The following IRGM variants were observed in gnomAD, a reference collection of about 807,000 sequenced individuals.
The protein encoded by IRGM is immunity related GTPase M.
For synonymous variants in IRGM, 98 were observed against 80.6 expected (o/e 1.22, Z -1.16); for missense variants, 288 against 219.9 (o/e 1.31, Z -1.96).
At chr5:150,892,261 C>T (rs1754621805) in intron 3 of IRGM, among the ~76,000 whole-genome samples, 1 of 151,162 alleles carries the variant, frequency 6.6e-6, no homozygotes, top group Non-Finnish European at 1.5e-5. Flanking sequence ...CATCTGCATG[C>T]AAGCATCATG....
Position 150,895,582 on chromosome 5 carries a change from C to T in IRGM, c.*141-5007C>T, listed in dbSNP as rs942904034. 3 of 1,613,414 alleles carry T rather than the reference C, an allele frequency of 1.9e-6. No homozygotes were observed. The highest frequency in any genetic ancestry group is 3.3e-5 in the Admixed American group (2 of 59,814). ...TTCTGAGAAAAGGCCTTTCCACATT[C>T]AGCACATATGTAAGGTTTCTCTCCT... On this transcript the variant is annotated intron_variant and NMD_transcript_variant, in intron 3 of 3. Transcript: ENST00000520549.
intron 1 of IRGM, among the ~76,000 whole-genome samples, chr5:150,873,007 C>G (rs1166497700): frequency 6.6e-6 from 1 of 152,168 alleles, no homozygotes. Context: ...CGCAGTCACT[C>G]AACTACAAAA....
At chr5:150,858,532 A>T (rs1014142779) in intron 1 of IRGM, among the ~76,000 whole-genome samples, 51 of 152,180 alleles carry the variant, frequency 3.4e-4, no homozygotes, top group Non-Finnish European at 6.2e-4. Flanking sequence ...GGCCATTTTC[A>T]CGATATTGAT....
At chr5:150,870,020 A>G (rs28472881) in intron 1 of IRGM, among the ~76,000 whole-genome samples, 3,583 of 152,290 alleles carry the variant, frequency 0.024, 136 homozygotes, top group African/African-American at 0.082. Flanking sequence ...GCCTGTGGAC[A>G]TGGAGGATCC....
chr5:150,867,168 C>T (rs1199957241), intron 1 of IRGM, among the ~76,000 whole-genome samples: 1 of 152,156 alleles, frequency 6.6e-6, no homozygotes, highest in Non-Finnish European at 1.5e-5. Flanking sequence ...CCCTGAGTCA[C>T]CAAGTCCATT....
chr5:150,878,554 G>A (rs1028858162), intron 2 of IRGM, among the ~76,000 whole-genome samples: 6 of 151,466 alleles, frequency 4.0e-5, no homozygotes, highest in African/African-American at 1.5e-4. Context: ...CATAGAAAGG[G>A]TTTACTTTTT....
chr5:150,900,458 CCT>C, intron 3 of IRGM: 1 of 152,202 alleles, frequency 6.6e-6, no homozygotes, highest in Non-Finnish European at 1.5e-5. Flanking sequence ...GTTGTTCCCC[CCT>C]CTCTGCTATA....
downstream of IRGM, among the ~76,000 whole-genome samples, chr5:150,853,096 C>G (rs1461131967): frequency 2.0e-5 from 3 of 152,012 alleles, no homozygotes; most frequent in African/African-American, 7.2e-5. Context: ...CTATAATTTT[C>G]CCTCTTCATA....
chr5:150,856,879 ATAT>A (rs974792606), intron 1 of IRGM, among the ~76,000 whole-genome samples: 25 of 145,998 alleles, frequency 1.7e-4, no homozygotes, highest in East Asian at 7.8e-4. Flanking sequence ...TTATTAATTA[ATAT>A]TATTAATTAA....
At chr5:150,902,172 C>G (rs910126863), downstream of IRGM, among the ~76,000 whole-genome samples, 1 of 151,992 alleles carries the variant, frequency 6.6e-6, no homozygotes, top group African/African-American at 2.4e-5. Context: ...TATGCCAATG[C>G]TGGCAGAAAG....
chr5:150,879,613 G>A (rs1268005422), exon 3 of IRGM: 1 of 152,136 alleles, frequency 6.6e-6, no homozygotes, highest in East Asian at 1.9e-4. Flanking sequence ...TACCTCAAGA[G>A]TACTCCAGAG....
chr5:150,892,088 T>C (rs767640730), intron 3 of IRGM, among the ~76,000 whole-genome samples: 4 of 152,126 alleles, frequency 2.6e-5, no homozygotes. Flanking sequence ...ATGATTATCA[T>C]AGGTCTGTAT....
intron 3 of IRGM, among the ~76,000 whole-genome samples, chr5:150,894,030 C>T (rs533431608): frequency 9.2e-5 from 14 of 152,140 alleles, no homozygotes; most frequent in African/African-American, 3.4e-4. Flanking sequence ...CTCTACTCTA[C>T]AGTTGTTCTC....
downstream of IRGM, among the ~76,000 whole-genome samples, chr5:150,852,553 T>G (rs2113253183): frequency 6.6e-6 from 1 of 152,216 alleles, no homozygotes; most frequent in Admixed American, 6.5e-5. Context: ...ATTAGGAAAT[T>G]GTTCACACAT....
intron 3 of IRGM, among the ~76,000 whole-genome samples, chr5:150,885,340 G>A (rs529603591): frequency 1.4e-3 from 177 of 123,590 alleles, no homozygotes; most frequent in African/African-American, 4.9e-3. Flanking sequence ...GTTTGAAGTT[G>A]GGTAACATAA....
At chr5:150,865,049 G>A (rs557994688) in intron 1 of IRGM, among the ~76,000 whole-genome samples, 200 of 152,276 alleles carry the variant, frequency 1.3e-3, no homozygotes, top group Admixed American at 3.2e-3. Context: ...GAGAGGATGT[G>A]TGATGCATAC....
At position 150,848,050 on chromosome 5, in the gene IRGM, C is replaced by G; in HGVS notation, c.-74C>G. The G allele has an allele frequency of 1.7e-6, 2 of 1,206,834 alleles. No individual in the cohort carries two copies. The highest frequency in any genetic ancestry group is 2.3e-6 in the Non-Finnish European group (2 of 869,706). 74.8% of individuals were successfully genotyped at this position (1,206,834 alleles called of 1,614,324 possible). On this transcript the variant is annotated 5_prime_UTR_variant, in exon 2 of 2. Transcript: ENST00000522154. Reference sequence around the variant, plus strand: ...TCTCCTGACCTCGTGATCTGCTCGCCTCGGCCTTCCAAAGTGCTGGGATTA... The same window carrying G: ...TCTCCTGACCTCGTGATCTGCTCGCGTCGGCCTTCCAAAGTGCTGGGATTA...
chr5:150,894,184 G>A (rs1321803251), intron 3 of IRGM, among the ~76,000 whole-genome samples: 1 of 152,050 alleles, frequency 6.6e-6, no homozygotes, highest in Non-Finnish European at 1.5e-5. Context: ...ATGCTCTCCT[G>A]CAGGTCACTT....
downstream of IRGM, among the ~76,000 whole-genome samples, chr5:150,901,251 C>T (rs1473984361): frequency 6.6e-6 from 1 of 152,002 alleles, no homozygotes; most frequent in Non-Finnish European, 1.5e-5. Flanking sequence ...ATAAAGCTAA[C>T]CAGATAGGTA....
Sources: allele counts gnomAD v4.1 joint callset (sites outside exome capture counted in the v4.1 genomes callset), GRCh38; gene constraint gnomAD v4.1.1; transcripts MANE v1.5; gene names NCBI Gene and HGNC (gene_info 2026-07-23, HGNC 2026-07-21).